The following FIBCD1 variants were observed in gnomAD, a reference collection of about 807,000 sequenced individuals.
FIBCD1 encodes fibrinogen C domain containing 1, also known as fibrinogen C domain-containing protein 1.
FIBCD1 carries 47 observed loss-of-function variants against 45.1 expected under a neutral mutation model. The observed-to-expected ratio is 1.04, with a 90% confidence interval of 0.82 to 1.33. The LOEUF (loss-of-function observed/expected upper bound fraction) is 1.33, where lower values mean the gene tolerates loss of function less well. FIBCD1 is among the 40% of genes most tolerant of loss of function. FIBCD1 has a pLI of 0.00. For missense variants in FIBCD1, 653 were observed against 682.2 expected, an observed-to-expected ratio of 0.96 and a Z score of 0.48; for synonymous variants, 313 against 308.1, an observed-to-expected ratio of 1.02 and a Z score of -0.17.
At chr9:130,931,503 G>A (rs1305051760) in intron 1 of FIBCD1, among the ~76,000 whole-genome samples, 10 of 151,842 alleles carry the variant, frequency 6.6e-5, no homozygotes, top group African/African-American at 1.2e-4. Context: ...GCTAGACTCC[G>A]TCTCAAAAAA....
chr9:130,912,117 C>T (rs1276604811), intron 4 of FIBCD1, among the ~76,000 whole-genome samples: 3 of 152,056 alleles, frequency 2.0e-5, no homozygotes, highest in Admixed American at 1.3e-4. Flanking sequence ...ACCAAATGCC[C>T]ACAGGCCCCC....
intron 4 of FIBCD1, among the ~76,000 whole-genome samples, chr9:130,919,463 C>T (rs1383196548): frequency 6.6e-6 from 1 of 152,194 alleles, no homozygotes; most frequent in African/African-American, 2.4e-5. Flanking sequence ...TGTTGGACCC[C>T]GAGGTCCTGC....
At chr9:130,919,163 T>C (rs944531481) in intron 4 of FIBCD1, among the ~76,000 whole-genome samples, 1 of 152,236 alleles carries the variant, frequency 6.6e-6, no homozygotes. Context: ...TGCATTGTCC[T>C]GTTTCTGTTC....
At chr9:130,930,456 A>AGGGAGACGCG (rs1564340970) in intron 1 of FIBCD1, among the ~76,000 whole-genome samples, 1 of 79,966 alleles carries the variant, frequency 1.3e-5, no homozygotes, top group Non-Finnish European at 3.6e-5. Flanking sequence ...GGGGAGACGC[A>AGGGAGACGCG]GGGAGACGCG....
Position 130,922,522 on chromosome 9 carries a change from G to A in FIBCD1, c.849+1222C>T, listed in dbSNP as rs1029538880. 2.6e-5 allele frequency among the ~76,000 whole-genome samples: 4 copies of A among 152,082 alleles called. No individual in the cohort carries two copies. The highest frequency in any genetic ancestry group is 9.7e-5 in the African/African-American group (4 of 41,406). On this transcript the variant is annotated intron_variant, in intron 4 of 6. Transcript: ENST00000372338. This position sits in a 1 kb window ranked among gnomAD's most constrained non-coding sequence, Gnocchi z 4.5. ...CAGAGCCATGCCTGGGGCAGCCTGT[G>A]GATGACAGGGCCAGAGCGTGGAACC... is the stretch of plus-strand genomic sequence containing the variant.
chr9:130,909,575 T>C (rs1347261747), intron 5 of FIBCD1, among the ~76,000 whole-genome samples: 1 of 152,190 alleles, frequency 6.6e-6, no homozygotes, highest in East Asian at 1.9e-4. Context: ...TTTTGTTGTA[T>C]GTAAATTATA....
At chr9:130,924,687 C>T (rs1832328409) in intron 2 of FIBCD1, among the ~76,000 whole-genome samples, 1 of 152,208 alleles carries the variant, frequency 6.6e-6, no homozygotes, top group Non-Finnish European at 1.5e-5. Context: ...CCCCAGGCTG[C>T]GTTCTTCGGC....
chr9:130,932,898 C>T (rs1424986995), intron 1 of FIBCD1, among the ~76,000 whole-genome samples: 1 of 152,250 alleles, frequency 6.6e-6, no homozygotes, highest in Non-Finnish European at 1.5e-5. Flanking sequence ...CGGGAGACAC[C>T]TTGCCCCGAG....
intron 2 of FIBCD1, among the ~76,000 whole-genome samples, chr9:130,928,668 A>G (rs1177433016): frequency 2.7e-5 from 4 of 148,210 alleles, no homozygotes; most frequent in Non-Finnish European, 6.0e-5. Flanking sequence ...GTGGGGCGGA[A>G]GGGGCTTGGG....
chr9:130,940,608 TCA>T (rs1832606839), upstream of FIBCD1, among the ~76,000 whole-genome samples: 1 of 152,222 alleles, frequency 6.6e-6, no homozygotes, highest in African/African-American at 2.4e-5. Context: ...TCTCCGAGCC[TCA>T]GTTTCCCCAT....
At chr9:130,918,349 G>C (rs1003347389) in intron 4 of FIBCD1, among the ~76,000 whole-genome samples, 7 of 152,192 alleles carry the variant, frequency 4.6e-5, no homozygotes, top group African/African-American at 1.7e-4. Flanking sequence ...CAGCTGGGCA[G>C]AGGAGCTGAA....
At chr9:130,910,719 G>A (rs1394347336) in intron 5 of FIBCD1, among the ~76,000 whole-genome samples, 2 of 152,104 alleles carry the variant, frequency 1.3e-5, no homozygotes, top group East Asian at 1.9e-4. Context: ...GGGTTTGTGA[G>A]TGCACCAATC....
chr9:130,918,038 C>T (rs1204044304), intron 4 of FIBCD1, among the ~76,000 whole-genome samples: 2 of 152,210 alleles, frequency 1.3e-5, no homozygotes, highest in African/African-American at 4.8e-5. Context: ...CCTCAAAGCT[C>T]ACAGCCCCAT....
At chr9:130,918,735 G>A (rs1057147585) in intron 4 of FIBCD1, among the ~76,000 whole-genome samples, 4 of 152,208 alleles carry the variant, frequency 2.6e-5, no homozygotes, top group Non-Finnish European at 5.9e-5. Context: ...CCTCTGGGCA[G>A]TGCCCCCAGG....
Position 130,903,867 on chromosome 9 carries a change from G to C in FIBCD1, c.*197C>G. On this transcript the variant is annotated 3_prime_UTR_variant, in exon 7 of 7. Transcript: ENST00000372338. ...CAAGAGATCAGTGAGCTGCCAAATG[G>C]AGGGGGTGGGGACGGCGAGAAGGCG... 1 of 704,064 alleles carries C rather than the reference G, an allele frequency of 1.4e-6. No homozygotes were observed. The highest frequency in any genetic ancestry group is 2.5e-6 in the Non-Finnish European group (1 of 398,114). 43.6% of individuals were successfully genotyped at this position (704,064 alleles called of 1,614,324 possible).
intron 2 of FIBCD1, among the ~76,000 whole-genome samples, chr9:130,925,298 TG>T (rs1463466712): frequency 6.6e-6 from 1 of 152,082 alleles, no homozygotes; most frequent in Non-Finnish European, 1.5e-5. Context: ...AGGATGGCAC[TG>T]GGGGCAGGGA....
chr9:130,916,350 A>C, intron 4 of FIBCD1, among the ~76,000 whole-genome samples: 1 of 152,236 alleles, frequency 6.6e-6, no homozygotes, highest in Non-Finnish European at 1.5e-5. Flanking sequence ...CAGTTTGGGA[A>C]CCACTGACAG....
At chr9:130,905,594 T>C (rs1387503483) in intron 5 of FIBCD1, among the ~76,000 whole-genome samples, 181 bp from the exon 6 acceptor site, 1 of 152,230 alleles carries the variant, frequency 6.6e-6, no homozygotes, top group East Asian at 1.9e-4. Context: ...GGCAAGCCAC[T>C]GAGGACCGAC....
At position 130,911,793 on chromosome 9, in the gene FIBCD1, T is replaced by C. The variant is rs1478741262; in HGVS notation, c.945A>G (p.Leu315=). 6.9e-6 allele frequency: 11 copies of C among 1,598,294 alleles called. No individual in the cohort carries two copies. Among genetic ancestry groups the C allele is most frequent in the South Asian group, 1.1e-5 (1 of 88,458 alleles). ...CCGGATGGTGGGTGGGGTGCTCACC[T>C]AGCCAGTGCTCCCCGGTGAGCCTGC... is the stretch of plus-strand genomic sequence containing the variant. ...GFGRLTGEHW[L]GLKRIHALTT... is the part of the protein sequence containing the mutation. Residue 315 remains leucine (L), a splice_region_variant and synonymous_variant, in exon 5 of 7, where the codon CTA becomes CTG. Transcript: ENST00000372338.
Sources: allele counts gnomAD v4.1 joint callset (sites outside exome capture counted in the v4.1 genomes callset), GRCh38; gene constraint gnomAD v4.1.1; non-coding constraint Gnocchi (gnomAD v3.1); transcripts MANE v1.5; gene names NCBI Gene and HGNC (gene_info 2026-07-23, HGNC 2026-07-21).